SLC35F3: variants seen among roughly 807,000 people sequenced by gnomAD.
The protein encoded by SLC35F3 is putative thiamine transporter SLC35F3.
SLC35F3 carries 25 observed loss-of-function variants against 49.9 expected under a neutral mutation model. The ratio of observed to expected loss-of-function variants is 0.50; its 90% CI spans 0.37 to 0.70. The LOEUF is 0.70. Among genes scored for constraint, SLC35F3 ranks in the 30% least tolerant of loss-of-function variants. SLC35F3 has a pLI of 0.00. For synonymous variants in SLC35F3, 275 were observed against 265.4 expected, an observed-to-expected ratio of 1.04 and a Z score of -0.35; for missense variants, 525 against 639.8, an observed-to-expected ratio of 0.82 and a Z score of 1.94.
rs1665263539 is a variant in SLC35F3 at position 234,104,980 on chromosome 1, T to C, written c.284-126437T>C. ...CCCGTCTCTACTAAAAATACAAAATTAGCTGGGCGTGGTGGCGGGCACCTG... is the reference window on the plus strand; with the variant it reads ...CCCGTCTCTACTAAAAATACAAAATCAGCTGGGCGTGGTGGCGGGCACCTG... On this transcript the variant is annotated intron_variant, in intron 2 of 7. Coordinates refer to ENST00000366618, the MANE Select transcript of SLC35F3 (RefSeq NM_173508.4). Among the ~76,000 whole-genome samples the C allele has an allele frequency of 2.0e-5, 3 of 151,922 alleles. No individual in the cohort carries two copies. In the South Asian group the frequency reaches 6.2e-4, roughly 32 times the overall value.
intron 2 of SLC35F3, among the ~76,000 whole-genome samples, chr1:234,019,814 A>C (rs1263900390): frequency 6.6e-6 from 1 of 152,192 alleles, no homozygotes; most frequent in African/African-American, 2.4e-5. Context: ...ATTAAAATTC[A>C]AGTCTCAGAA....
chr1:234,069,303 G>A (rs1346904019), intron 2 of SLC35F3, among the ~76,000 whole-genome samples: 1 of 145,634 alleles, frequency 6.9e-6, no homozygotes, highest in Non-Finnish European at 1.5e-5. Context: ...TGTCACCCAG[G>A]CTGGAGTGCA....
chr1:234,055,896 A>G (rs1664450358), intron 2 of SLC35F3, among the ~76,000 whole-genome samples: 1 of 152,220 alleles, frequency 6.6e-6, no homozygotes, highest in Non-Finnish European at 1.5e-5. Flanking sequence ...ATATTTTATA[A>G]TTGGATATTA....
chr1:234,018,792 G>A (rs1160799536), intron 2 of SLC35F3, among the ~76,000 whole-genome samples: 1 of 152,124 alleles, frequency 6.6e-6, no homozygotes, highest in Non-Finnish European at 1.5e-5. Flanking sequence ...ACCCATCTTG[G>A]CAACATGGTC....
intron 2 of SLC35F3, among the ~76,000 whole-genome samples, chr1:234,200,968 T>C (rs1408667390): frequency 6.6e-6 from 1 of 152,226 alleles, no homozygotes; most frequent in Non-Finnish European, 1.5e-5. Flanking sequence ...CTGCGGGTGA[T>C]ATACAAGATG....
Position 234,292,437 on chromosome 1 carries a change from A to G in SLC35F3, c.609-16664A>G, listed in dbSNP as rs114860324. ...TATCCTACTGCTCAAGGTCATCGCC[A>G]ATGTCTGATTTTTAAATTCAAATTA... On this transcript the variant is annotated intron_variant, in intron 3 of 7. Coordinates refer to ENST00000366618, the MANE Select transcript of SLC35F3 (RefSeq NM_173508.4). Among the ~76,000 whole-genome samples, 611 of 152,356 alleles carry G rather than the reference A, an allele frequency of 4.0e-3. 5 individuals carry two copies. Among genetic ancestry groups the G allele is most frequent in the African/African-American group, 0.014 (582 of 41,576 alleles).
chr1:234,185,190 G>T (rs1666622915), intron 2 of SLC35F3, among the ~76,000 whole-genome samples: 1 of 152,144 alleles, frequency 6.6e-6, no homozygotes, highest in Non-Finnish European at 1.5e-5. Flanking sequence ...ATTCTGGGGT[G>T]GGGGTGTACG....
intron 2 of SLC35F3, among the ~76,000 whole-genome samples, chr1:234,160,899 G>A (rs1666218109): frequency 6.6e-6 from 1 of 152,210 alleles, no homozygotes; most frequent in African/African-American, 2.4e-5. Flanking sequence ...TTCTCTTTGT[G>A]TGGATCAACA....
At chr1:234,061,540 T>C (rs1242035772) in intron 2 of SLC35F3, among the ~76,000 whole-genome samples, 2 of 152,114 alleles carry the variant, frequency 1.3e-5, no homozygotes. Flanking sequence ...TCTCCAAATA[T>C]TTTTTTCTGC....
intron 2 of SLC35F3, among the ~76,000 whole-genome samples, chr1:233,925,035 G>A (rs1308552700): frequency 2.0e-5 from 3 of 152,152 alleles, no homozygotes; most frequent in Non-Finnish European, 4.4e-5. Flanking sequence ...CATTTGCTGA[G>A]GAGTGCTTTA....
intron 2 of SLC35F3, among the ~76,000 whole-genome samples, chr1:234,172,711 C>T (rs1666417081): frequency 1.3e-5 from 2 of 152,154 alleles, no homozygotes; most frequent in Admixed American, 1.3e-4. Flanking sequence ...CAAACTGGTA[C>T]AGCATGTGAC....
intron 2 of SLC35F3, among the ~76,000 whole-genome samples, chr1:234,021,597 A>C (rs1343965483): frequency 6.6e-6 from 1 of 152,214 alleles, no homozygotes; most frequent in Non-Finnish European, 1.5e-5. Flanking sequence ...CACCCAAATG[A>C]TATAACCCAG....
At chr1:234,174,695 AC>A (rs1666449868) in intron 2 of SLC35F3, among the ~76,000 whole-genome samples, 2 of 152,250 alleles carry the variant, frequency 1.3e-5, no homozygotes, top group Non-Finnish European at 2.9e-5. Context: ...GGCAGAAAGC[AC>A]ATCCCTGGAG....
chr1:233,919,982 C>G (rs1662033135), intron 2 of SLC35F3, among the ~76,000 whole-genome samples: 1 of 152,154 alleles, frequency 6.6e-6, no homozygotes, highest in Non-Finnish European at 1.5e-5. Flanking sequence ...GCTTAGAACC[C>G]TTGGTAGGAT....
chr1:234,144,986 C>T (rs1322000838), intron 2 of SLC35F3, among the ~76,000 whole-genome samples: 2 of 152,238 alleles, frequency 1.3e-5, no homozygotes, highest in South Asian at 2.1e-4. Flanking sequence ...TCATCTTCTC[C>T]GCAGCACTGA....
chr1:234,274,011 T>C (rs576379879), intron 3 of SLC35F3, among the ~76,000 whole-genome samples: 1 of 152,328 alleles, frequency 6.6e-6, no homozygotes, highest in African/African-American at 2.4e-5. Context: ...TCACATGCAT[T>C]GAACTCCACT....
At chr1:234,270,790 C>T (rs545937249) in intron 3 of SLC35F3, among the ~76,000 whole-genome samples, 2 of 152,252 alleles carry the variant, frequency 1.3e-5, no homozygotes, top group East Asian at 3.9e-4. Context: ...ACTTGCAAGG[C>T]CAAATTGGGA....
chr1:234,106,304 TAAAAG>T (rs1558230825), intron 2 of SLC35F3, among the ~76,000 whole-genome samples: 1 of 152,180 alleles, frequency 6.6e-6, no homozygotes, highest in East Asian at 1.9e-4. Flanking sequence ...TCTTCCATGA[TAAAAG>T]AAAGAAAGAG....
intron 2 of SLC35F3, among the ~76,000 whole-genome samples, chr1:234,105,296 T>C (rs1665269413): frequency 6.6e-6 from 1 of 152,112 alleles, no homozygotes; most frequent in South Asian, 2.1e-4. Context: ...GAGTCAATGA[T>C]CAAGATGAAC....
Sources: allele counts gnomAD v4.1 joint callset (sites outside exome capture counted in the v4.1 genomes callset), GRCh38; gene constraint gnomAD v4.1.1; transcripts MANE v1.5; gene names NCBI Gene and HGNC (gene_info 2026-07-23, HGNC 2026-07-21).